Variants in CEP63 observed in about 807,000 individuals in gnomAD.
The protein encoded by CEP63 is centrosomal protein 63, also known as centrosomal protein of 63 kDa.
CEP63 carries 84 observed loss-of-function variants against 89.1 expected under a neutral mutation model. The ratio of observed to expected loss-of-function variants is 0.94; its 90% CI spans 0.79 to 1.13. The LOEUF (loss-of-function observed/expected upper bound fraction) is 1.13, where lower values mean the gene tolerates loss of function less well. Among genes scored for constraint, CEP63 ranks in the 50% most tolerant of loss-of-function variants. The pLI is 0.00. For synonymous variants in CEP63, 267 were observed against 272.5 expected, an observed-to-expected ratio of 0.98 and a Z score of 0.20; for missense variants, 838 against 813.3, an observed-to-expected ratio of 1.03 and a Z score of -0.37.
chr3:134,610,122 C>T, the CEP63 span: 2 of 1,496,304 alleles, frequency 1.3e-6, no homozygotes, highest in Non-Finnish European at 9.1e-7. Context: ...TCTCCACCTG[C>T]TGCTTCATGC....
At chr3:134,643,281 G>GCC in the CEP63 span, 1 of 1,604,892 alleles carries the variant, frequency 6.2e-7, no homozygotes. Context: ...GCACACCTCT[G>GCC]CAGGGGAGGT....
the CEP63 span, among the ~76,000 whole-genome samples, chr3:134,700,245 C>T: frequency 2.0e-5 from 3 of 151,578 alleles, no homozygotes; most frequent in East Asian, 5.8e-4. Context: ...CCTGTCCTCT[C>T]CACTTCCATT....
chr3:134,512,761 C>T, intron 3 of CEP63, among the ~76,000 whole-genome samples: 1 of 152,172 alleles, frequency 6.6e-6, no homozygotes, highest in Admixed American at 6.5e-5. Flanking sequence ...CTCTTACATA[C>T]AATTATCATC....
the CEP63 span, chr3:134,610,091 C>T: frequency 7.8e-7 from 1 of 1,284,896 alleles, no homozygotes; most frequent in Non-Finnish European, 1.1e-6. Flanking sequence ...TCCTGGCTCT[C>T]CTTCCCCTCC....
the CEP63 span, among the ~76,000 whole-genome samples, chr3:134,636,986 A>G: frequency 6.6e-6 from 1 of 152,186 alleles, no homozygotes; most frequent in Non-Finnish European, 1.5e-5. Context: ...TGCTAAATGC[A>G]TTGCAATTAT....
chr3:134,635,284 G>A, the CEP63 span, among the ~76,000 whole-genome samples: 3 of 152,026 alleles, frequency 2.0e-5, no homozygotes, highest in African/African-American at 7.2e-5. Context: ...ATCACTTGAG[G>A]TCAGGAGTTT....
chr3:134,515,197 T>C (rs1046897135), intron 3 of CEP63, among the ~76,000 whole-genome samples: 9 of 152,182 alleles, frequency 5.9e-5, no homozygotes, highest in South Asian at 2.1e-4. Flanking sequence ...GTAGAGAATA[T>C]CTTCCATGCT....
chr3:134,502,283 G>C lies in CEP63; in HGVS notation c.45-4826G>C, dbSNP rs182553070. 3.2e-3 allele frequency among the ~76,000 whole-genome samples: 486 copies of C among 151,194 alleles called. 1 individual carries two copies. Among genetic ancestry groups the C allele is most frequent in the Non-Finnish European group, 3.2e-3 (215 of 67,716 alleles). On this transcript the variant is annotated intron_variant, in intron 2 of 14. Coordinates refer to ENST00000675561, the MANE Select transcript of CEP63 (RefSeq NM_001353108.3). ...TGTTCATTAGGGATATTGGTCTGTA[G>C]TTTTTTTTTGTTTCATCTTTGCCAG...
chr3:134,529,677 T>C (rs1949463618), intron 3 of CEP63, among the ~76,000 whole-genome samples: 1 of 151,616 alleles, frequency 6.6e-6, no homozygotes, highest in Non-Finnish European at 1.5e-5. Context: ...ATTTTCTTCT[T>C]TTCCTTTTTT....
At chr3:134,559,844 T>C (rs900828161) in intron 14 of CEP63, among the ~76,000 whole-genome samples, 5 of 152,128 alleles carry the variant, frequency 3.3e-5, no homozygotes, top group Admixed American at 6.5e-5. Flanking sequence ...GTGCCTCTGA[T>C]GTGTGCAGAG....
chr3:134,619,372 A>G, the CEP63 span: 1 of 811,714 alleles, frequency 1.2e-6, no homozygotes, highest in South Asian at 1.4e-5. Flanking sequence ...AGGAAACTAC[A>G]GTGGGCTGAA....
At chr3:134,707,584 C>G in the CEP63 span, among the ~76,000 whole-genome samples, 2 of 152,138 alleles carry the variant, frequency 1.3e-5, no homozygotes, top group African/African-American at 4.8e-5. Flanking sequence ...TGCTCTTCCC[C>G]CTGCTGTGAG....
chr3:134,597,811 C>T, the CEP63 span: 27,695 of 152,430 alleles, frequency 0.18, 3,289 homozygotes, highest in Non-Finnish European at 0.27. Flanking sequence ...GTATTGCCTC[C>T]AGCACACTGT....
At chr3:134,737,328 A>G in the CEP63 span, among the ~76,000 whole-genome samples, 5 of 152,318 alleles carry the variant, frequency 3.3e-5, no homozygotes, top group South Asian at 1.0e-3. Flanking sequence ...AAAACTTGTG[A>G]TTGTCAAAAG....
the CEP63 span, among the ~76,000 whole-genome samples, chr3:134,764,438 T>A: frequency 3.3e-5 from 5 of 152,316 alleles, no homozygotes; most frequent in African/African-American, 1.2e-4. Context: ...TGACCCTTGT[T>A]GTGGGTTCCC....
At chr3:134,651,546 C>T in the CEP63 span, 1 of 992,558 alleles carries the variant, frequency 1.0e-6, no homozygotes, top group Non-Finnish European at 1.2e-6. Flanking sequence ...TCACTCCTTC[C>T]CTGGGTTGGT....
chr3:134,631,300 G>GA, the CEP63 span, among the ~76,000 whole-genome samples: 2 of 152,018 alleles, frequency 1.3e-5, no homozygotes, highest in Non-Finnish European at 2.9e-5. Flanking sequence ...AACTATTAAA[G>GA]AAAAAAATAT....
chr3:134,637,649 G>A, the CEP63 span, among the ~76,000 whole-genome samples: 1 of 152,178 alleles, frequency 6.6e-6, no homozygotes, highest in Non-Finnish European at 1.5e-5. Context: ...TAATGCCCAG[G>A]TACTTTCACA....
the CEP63 span, among the ~76,000 whole-genome samples, chr3:134,660,729 G>A: frequency 9.1e-4 from 138 of 152,316 alleles, 1 homozygote; most frequent in Admixed American, 4.2e-3. Context: ...TGCAGTGAGT[G>A]TGCAAGCTTG....
Sources: allele counts gnomAD v4.1 joint callset (sites outside exome capture counted in the v4.1 genomes callset), GRCh38; gene constraint gnomAD v4.1.1; transcripts MANE v1.5; gene names NCBI Gene and HGNC (gene_info 2026-07-23, HGNC 2026-07-21).